Variants in FUT8 observed in about 807,000 individuals in gnomAD.
FUT8 encodes the protein alpha-(1,6)-fucosyltransferase.
FUT8 carries 29 observed loss-of-function variants against 71.3 expected under a neutral mutation model. That is an observed-to-expected ratio of 0.41 (90% CI 0.30 to 0.55). The LOEUF (loss-of-function observed/expected upper bound fraction) is 0.55, where lower values mean the gene tolerates loss of function less well. Among genes scored for constraint, FUT8 ranks in the 20% least tolerant of loss-of-function variants. FUT8 has a pLI of 0.34. For synonymous variants in FUT8, 254 were observed against 239.3 expected (o/e 1.06, Z -0.57); for missense variants, 544 against 702.1 (o/e 0.77, Z 2.55).
At chr14:65,442,101 G>T (rs1381165239) in intron 1 of FUT8, among the ~76,000 whole-genome samples, 2 of 151,870 alleles carry the variant, frequency 1.3e-5, no homozygotes, top group African/African-American at 4.8e-5. Flanking sequence ...GTTTTCAGAG[G>T]GCTCCCTAGA....
At chr14:65,618,143 C>T (rs1009811306) in intron 5 of FUT8, among the ~76,000 whole-genome samples, 10 of 148,980 alleles carry the variant, frequency 6.7e-5, no homozygotes, top group Admixed American at 2.7e-4. Flanking sequence ...CTCCAGTGAT[C>T]CTCCCTCGTC....
At chr14:65,411,378 C>G (rs370281008), upstream of FUT8, 3 of 152,326 alleles carry the variant, frequency 2.0e-5, no homozygotes, top group Non-Finnish European at 4.4e-5. Context: ...ACAATAAATA[C>G]GAGTCTCAAG....
rs760361472 is a variant in FUT8 at position 65,455,681 on chromosome 14, T to C, written c.-265T>C. ...AATGGTCTTTTTGTTCAAGATAAAG[T>C]GATTTTTTGCCTTTGTTGATTAACT... On this transcript the variant is annotated 5_prime_UTR_variant, in exon 2 of 11. An upstream open reading frame in the 5' UTR loses its in-frame stop. Transcript: ENST00000673929. 11 of 398,222 alleles carry C rather than the reference T, an allele frequency of 2.8e-5. No homozygotes were observed. The highest frequency in any genetic ancestry group is 4.4e-5 in the Non-Finnish European group (10 of 225,932). 24.7% of individuals were successfully genotyped at this position (398,222 alleles called of 1,614,324 possible).
At chr14:65,400,785 T>C in the FUT8 span, among the ~76,000 whole-genome samples, 1 of 152,064 alleles carries the variant, frequency 6.6e-6, no homozygotes, top group Non-Finnish European at 1.5e-5. Flanking sequence ...CTTGGAAGGC[T>C]CAGGTGAGAG....
chr14:65,721,245 A>T lies in FUT8; in HGVS notation c.836-530A>T, dbSNP rs535187277. Among the ~76,000 whole-genome samples, 19 of 25,534 alleles carry T rather than the reference A, an allele frequency of 7.4e-4. No individual in the cohort carries two copies. The South Asian group carries it at 0.01, about 14-fold the overall frequency. The allele number at this position is 25,534 out of a possible 152,430, so 16.8% of individuals were successfully genotyped here. Reference sequence around the variant, plus strand: ...TTGCTTCATCTCCCTCCAATAGATTAAAAAAAAAAAAGATTTTAGAATTAT... The same window carrying T: ...TTGCTTCATCTCCCTCCAATAGATTTAAAAAAAAAAAGATTTTAGAATTAT... On this transcript the variant is annotated intron_variant, in intron 7 of 10. Coordinates refer to ENST00000673929, the MANE Select transcript of FUT8 (RefSeq NM_001371533.1).
chr14:65,459,587 G>C (rs2065943042), intron 2 of FUT8, among the ~76,000 whole-genome samples: 1 of 152,062 alleles, frequency 6.6e-6, no homozygotes, highest in Non-Finnish European at 1.5e-5. Context: ...AATGATCCCA[G>C]GATAAAGAGA....
intron 6 of FUT8, among the ~76,000 whole-genome samples, chr14:65,642,931 A>G (rs1323675016): frequency 1.3e-5 from 2 of 152,198 alleles, no homozygotes; most frequent in Admixed American, 6.5e-5. Context: ...GTATCATGTC[A>G]TCTACATATA....
At chr14:65,706,976 T>G (rs1272088583) in intron 7 of FUT8, among the ~76,000 whole-genome samples, 1 of 152,176 alleles carries the variant, frequency 6.6e-6, no homozygotes, top group East Asian at 1.9e-4. Flanking sequence ...TATGAAACGT[T>G]TTCTTGCTGG....
At chr14:65,734,756 T>C (rs1896137184) in intron 10 of FUT8, among the ~76,000 whole-genome samples, 1 of 152,112 alleles carries the variant, frequency 6.6e-6, no homozygotes, top group South Asian at 2.1e-4. Context: ...TTACAATGAG[T>C]GAATCAAGAG....
intron 5 of FUT8, among the ~76,000 whole-genome samples, chr14:65,624,049 C>T (rs1889768629): frequency 1.3e-5 from 2 of 152,118 alleles, no homozygotes; most frequent in South Asian, 4.1e-4. Flanking sequence ...ATCTTCTTGT[C>T]TTTGACCAAA....
intron 7 of FUT8, among the ~76,000 whole-genome samples, chr14:65,707,801 G>A (rs1387335828): frequency 2.0e-5 from 3 of 152,028 alleles, no homozygotes; most frequent in Non-Finnish European, 4.4e-5. Flanking sequence ...TTTATTTCTG[G>A]GCTTTCAGTT....
At chr14:65,678,134 T>C (rs1225820595) in intron 7 of FUT8, among the ~76,000 whole-genome samples, 1 of 152,238 alleles carries the variant, frequency 6.6e-6, no homozygotes, top group East Asian at 1.9e-4. Context: ...ATGTTATTAT[T>C]ACCACTTTAG....
intron 5 of FUT8, among the ~76,000 whole-genome samples, chr14:65,623,697 G>A (rs1220644818): frequency 1.3e-5 from 2 of 152,052 alleles, no homozygotes; most frequent in East Asian, 1.9e-4. Context: ...TAGCTTGGGC[G>A]ACAGAGAGAG....
intron 5 of FUT8, chr14:65,617,117 A>G (rs748289583): frequency 6.3e-7 from 1 of 1,598,600 alleles, no homozygotes; most frequent in African/African-American, 1.4e-5. Flanking sequence ...CTGTCTCATT[A>G]GTGAACAATA....
intron 6 of FUT8, among the ~76,000 whole-genome samples, chr14:65,656,220 C>G (rs913793394): frequency 6.6e-6 from 1 of 151,260 alleles, no homozygotes; most frequent in Non-Finnish European, 1.5e-5. Flanking sequence ...AAAGACTCTT[C>G]CAAAAAAAAA....
chr14:65,517,358 C>T lies in FUT8; in HGVS notation c.-227-43979C>T, dbSNP rs565559460. 3.9e-5 allele frequency among the ~76,000 whole-genome samples: 6 copies of T among 152,182 alleles called. No individual in the cohort carries two copies. The South Asian group carries it at 1.0e-3, about 26-fold the overall frequency. On this transcript the variant is annotated intron_variant, in intron 2 of 10. Coordinates refer to ENST00000673929, the MANE Select transcript of FUT8 (RefSeq NM_001371533.1). ...GTGGGGGTATAAAGAGTTACAATAT[C>T]ATGAAACTATTGTTTTAAAGAATTT...
At chr14:65,672,635 T>A (rs555740572) in intron 7 of FUT8, among the ~76,000 whole-genome samples, 2 of 152,166 alleles carry the variant, frequency 1.3e-5, no homozygotes, top group South Asian at 4.2e-4. Flanking sequence ...AGTTATTTTA[T>A]TTTTTATTAG....
At chr14:65,692,914 C>G (rs1254766511) in intron 7 of FUT8, among the ~76,000 whole-genome samples, 1 of 151,686 alleles carries the variant, frequency 6.6e-6, no homozygotes, top group African/African-American at 2.4e-5. Flanking sequence ...CGATGGGCGG[C>G]CGGGCAGAGA....
chr14:65,673,331 T>G (rs1892562293), intron 7 of FUT8, among the ~76,000 whole-genome samples: 2 of 152,258 alleles, frequency 1.3e-5, no homozygotes, highest in Admixed American at 1.3e-4. Flanking sequence ...ATTTGCTATT[T>G]GCTAGATACC....
Sources: gnomAD v4.1 joint callset for allele counts (sites outside exome capture counted in the v4.1 genomes callset) on GRCh38, gnomAD v4.1.1 for gene constraint, MANE v1.5 for transcripts, NCBI Gene and HGNC (gene_info 2026-07-23, HGNC 2026-07-21) for gene names.